CRACD: variants seen among roughly 807,000 people sequenced by gnomAD.
CRACD encodes capping protein inhibiting regulator of actin dynamics, also known as capping protein-inhibiting regulator of actin dynamics.
Under a neutral mutation model 106.8 loss-of-function variants are expected in CRACD, and 56 were observed. That is an observed-to-expected ratio of 0.52 (90% confidence interval 0.42 to 0.66). CRACD has a LOEUF of 0.66. CRACD is among the 30% of genes least tolerant of loss of function. The pLI, the probability that CRACD is intolerant of heterozygous loss-of-function variation, is 0.00. For missense variants in CRACD, 1,730 were observed against 1,623.2 expected (o/e 1.07, Z -1.13); for synonymous variants, 754 against 670.8 (o/e 1.12, Z -1.92).
At chr4:56,240,029 C>A (rs6554337) in intron 2 of CRACD, among the ~76,000 whole-genome samples, 119,891 of 151,530 alleles carry the variant, frequency 0.79, 47,380 homozygotes, top group East Asian at 0.87. Flanking sequence ...CAGATATTTT[C>A]ATTTCAATTA....
Position 56,315,760 on chromosome 4 carries a change from C to A in CRACD, c.2258C>A (p.Pro753His), listed in dbSNP as rs1483837289. ...ESIRKRPMLG[P>H]SEETAPQPPP... ...ATACGAAAAAGACCCATGCTGGGACCCAGCGAAGAGACAGCCCCCCAGCCT... is the reference window on the plus strand; with the variant it reads ...ATACGAAAAAGACCCATGCTGGGACACAGCGAAGAGACAGCCCCCCAGCCT... Residue 753 changes from proline (P) to histidine (H), a missense_variant, in exon 8 of 11, where the codon CCC becomes CAC. Pro to His is a moderately conservative substitution (Grantham distance 77). This residue lies in a region of CRACD where 1,620 missense variants were observed against 1,481.6 expected (regional missense o/e 1.09). Transcript: ENST00000682029. The surrounding 1 kb of genome is among the most constrained non-coding windows in gnomAD (Gnocchi z 4.1). 6.2e-7 allele frequency: 1 copy of A among 1,614,204 alleles called. No individual in the cohort carries two copies. Among genetic ancestry groups the A allele is most frequent in the East Asian group, 2.2e-5 (1 of 44,868 alleles).
chr4:56,290,103 G>A (rs1325723565), intron 3 of CRACD, among the ~76,000 whole-genome samples: 1 of 152,210 alleles, frequency 6.6e-6, no homozygotes, highest in Non-Finnish European at 1.5e-5. Flanking sequence ...GAGATGTGAA[G>A]AGCAGCGCTC....
In CRACD at chr4:56,235,136, A is replaced by G. The variant is rs182092849; in HGVS notation, c.-188-37185A>G. Among the ~76,000 whole-genome samples the G allele has an allele frequency of 3.9e-5, 6 of 152,358 alleles. No homozygotes were observed. The East Asian group carries it at 1.2e-3, about 29-fold the overall frequency. ...CCTTACCCTATATTCACATGATTGTATCCTTAAAGATACAGTGGGAGTAGG... is the reference window on the plus strand; with the variant it reads ...CCTTACCCTATATTCACATGATTGTGTCCTTAAAGATACAGTGGGAGTAGG... On this transcript the variant is annotated intron_variant, in intron 2 of 10. Coordinates refer to ENST00000682029, the MANE Select transcript of CRACD (RefSeq NM_001393381.1).
intron 4 of CRACD, among the ~76,000 whole-genome samples, chr4:56,301,830 A>AT (rs1744387816): frequency 6.6e-6 from 1 of 152,208 alleles, no homozygotes; most frequent in Non-Finnish European, 1.5e-5. Flanking sequence ...CAGATTTAAA[A>AT]GAAAAAAATC....
At chr4:56,236,752 A>G (rs1739992078) in intron 2 of CRACD, among the ~76,000 whole-genome samples, 1 of 152,078 alleles carries the variant, frequency 6.6e-6, no homozygotes, top group African/African-American at 2.4e-5. Context: ...AAAAAAAAAC[A>G]AAACTTTTGT....
intron 3 of CRACD, among the ~76,000 whole-genome samples, chr4:56,275,270 G>A (rs183817192): frequency 1.4e-3 from 206 of 152,100 alleles, no homozygotes; most frequent in African/African-American, 4.7e-3. Context: ...ACCCCTGAAC[G>A]TAAAATAAAA....
chr4:56,050,487 A>G (rs2109773641), intron 1 of CRACD, among the ~76,000 whole-genome samples: 1 of 152,344 alleles, frequency 6.6e-6, no homozygotes, highest in South Asian at 2.1e-4. Context: ...GTGGAATTAT[A>G]TAAAAAATGG....
intron 4 of CRACD, among the ~76,000 whole-genome samples, chr4:56,300,011 G>A (rs182470289): frequency 2.0e-5 from 3 of 151,872 alleles, no homozygotes; most frequent in Admixed American, 6.6e-5. Context: ...GGTGGCAGGC[G>A]CCTGTAGTCC....
intron 1 of CRACD, among the ~76,000 whole-genome samples, chr4:56,063,100 GA>G (rs754061851): frequency 1.3e-5 from 2 of 152,206 alleles, no homozygotes; most frequent in Non-Finnish European, 2.9e-5. Flanking sequence ...AAGGAAAGAA[GA>G]AAAGAAGTTC....
Position 56,139,309 on chromosome 4 carries a change from C to G in CRACD, c.-335-39975C>G, listed in dbSNP as rs73817366. On this transcript the variant is annotated intron_variant, in intron 1 of 10. Coordinates refer to ENST00000682029, the MANE Select transcript of CRACD (RefSeq NM_001393381.1). ...CTTTTCTGAGTCTGGAAATAGTTCT[C>G]TCTCCCTTCCTCTCTTCCTCTCTCT... Among the ~76,000 whole-genome samples, 1,006 of 152,248 alleles carry G rather than the reference C, an allele frequency of 6.6e-3. 15 individuals are homozygous for G. The highest frequency in any genetic ancestry group is 0.023 in the African/African-American group (965 of 41,538).
intron 1 of CRACD, among the ~76,000 whole-genome samples, chr4:56,161,493 C>T (rs1050683347): frequency 6.6e-6 from 1 of 152,030 alleles, no homozygotes; most frequent in African/African-American, 2.4e-5. Flanking sequence ...ACTATGTCAC[C>T]CAGGCTGGAG....
At chr4:56,110,849 G>A (rs1734097025) in intron 1 of CRACD, among the ~76,000 whole-genome samples, 1 of 152,084 alleles carries the variant, frequency 6.6e-6, no homozygotes, top group Non-Finnish European at 1.5e-5. Context: ...CACCTGCCTT[G>A]GCCTCCCAAA....
rs1275239241 is a variant in CRACD at position 56,324,914 on chromosome 4, CATGGATATCCAACTT to C, written c.3541+650_3541+664del. 3.3e-4 allele frequency among the ~76,000 whole-genome samples: 14 copies of C among 42,008 alleles called. No homozygotes were observed. The Admixed American group carries it at 5.8e-3, about 17-fold the overall frequency. 27.6% of individuals were successfully genotyped at this position (42,008 alleles called of 152,430 possible). On this transcript the variant is annotated intron_variant, in intron 10 of 10. Transcript: ENST00000682029. Reference sequence around the variant, plus strand: ...GTTAAATGTTTGAAATGTTTGAGGTCATGGATATCCAACTTACCCTGATTGATCATTATACATTAT... The same window carrying C: ...GTTAAATGTTTGAAATGTTTGAGGTCACCCTGATTGATCATTATACATTAT...
intron 1 of CRACD, among the ~76,000 whole-genome samples, chr4:56,080,012 G>A (rs7663270): frequency 0.37 from 56,321 of 151,816 alleles, 10,922 homozygotes; most frequent in African/African-American, 0.48. Flanking sequence ...TTAGCTGAGC[G>A]TTTCATATTT....
chr4:56,273,308 T>TTC (rs1560512294), intron 3 of CRACD, among the ~76,000 whole-genome samples: 18 of 150,800 alleles, frequency 1.2e-4, no homozygotes, highest in African/African-American at 4.4e-4. Context: ...TTCCTTCCTT[T>TTC]CTTCCTTCCT....
chr4:56,218,262 G>A (rs978319491), intron 2 of CRACD, among the ~76,000 whole-genome samples: 9 of 151,996 alleles, frequency 5.9e-5, no homozygotes, highest in African/African-American at 2.2e-4. Context: ...GCTTGAATAT[G>A]AAGGAATTTT....
At chr4:56,188,612 A>G (rs1396588043) in intron 2 of CRACD, among the ~76,000 whole-genome samples, 1 of 136,172 alleles carries the variant, frequency 7.3e-6, no homozygotes, top group Non-Finnish European at 1.6e-5. Context: ...GCTCATTTGT[A>G]TCTGTCTAGC....
intron 2 of CRACD, among the ~76,000 whole-genome samples, chr4:56,267,618 T>C (rs1372573499): frequency 6.6e-6 from 1 of 152,186 alleles, no homozygotes; most frequent in Non-Finnish European, 1.5e-5. Context: ...TAGGACCTCT[T>C]TTTTTCTTAC....
At chr4:56,265,067 C>A (rs527451826) in intron 2 of CRACD, among the ~76,000 whole-genome samples, 7 of 152,178 alleles carry the variant, frequency 4.6e-5, no homozygotes, top group Non-Finnish European at 1.5e-5. Flanking sequence ...GGGAGCACAG[C>A]CTATCTGACA....
Sources: allele counts gnomAD v4.1 joint callset (sites outside exome capture counted in the v4.1 genomes callset), GRCh38; gene constraint gnomAD v4.1.1; regional missense constraint gnomAD v4.1.1; non-coding constraint Gnocchi (gnomAD v3.1); transcripts MANE v1.5; gene names NCBI Gene and HGNC (gene_info 2026-07-23, HGNC 2026-07-21).